CCDC90B: variants seen among roughly 807,000 people sequenced by gnomAD.
CCDC90B encodes the protein coiled-coil domain-containing protein 90B, mitochondrial.
Under a neutral mutation model 37.0 loss-of-function variants are expected in CCDC90B, and 24 were observed. That is an observed-to-expected ratio of 0.65 (90% CI 0.47 to 0.91). CCDC90B has a LOEUF of 0.91. Ranked by LOEUF, CCDC90B falls within the 40% of genes least tolerant of loss-of-function variation. The pLI, the probability that CCDC90B is intolerant of heterozygous loss-of-function variation, is 0.00. For synonymous variants in CCDC90B, 113 were observed against 101.1 expected, an observed-to-expected ratio of 1.12 and a Z score of -0.71; for missense variants, 319 against 299.0, an observed-to-expected ratio of 1.07 and a Z score of -0.49.
At chr11:83,274,614 A>C (rs779680346) in intron 4 of CCDC90B, 25 bp downstream of exon 4, 3 of 1,363,548 alleles carry the variant, frequency 2.2e-6, no homozygotes, top group Non-Finnish European at 3.1e-6. Flanking sequence ...TTATTTTATA[A>C]GTAATAAATT....
At chr11:83,263,013 T>C (rs577819099) in intron 8 of CCDC90B, among the ~76,000 whole-genome samples, 55 of 152,268 alleles carry the variant, frequency 3.6e-4, no homozygotes, top group South Asian at 1.7e-3. Flanking sequence ...ACAGATGAGG[T>C]AATACACCCA....
Position 83,265,861 on chromosome 11 carries a change from T to C in CCDC90B, c.709+4A>G, listed in dbSNP as rs755348316. On this transcript the variant is annotated splice_donor_region_variant and intron_variant, in intron 8 of 8. Transcript: ENST00000529689. ...ACAGCAATTTCTTTCTCTGACAGTCTTACCTGCAAGATAACGAATTGTCTC... is the reference window on the plus strand; with the variant it reads ...ACAGCAATTTCTTTCTCTGACAGTCCTACCTGCAAGATAACGAATTGTCTC... 1 of 1,569,340 alleles carries C rather than the reference T, an allele frequency of 6.4e-7. No homozygotes were observed. Among genetic ancestry groups the C allele is most frequent in the East Asian group, 2.2e-5 (1 of 44,592 alleles).
intron 8 of CCDC90B, among the ~76,000 whole-genome samples, chr11:83,262,834 G>A (rs909111114): frequency 3.3e-5 from 5 of 152,164 alleles, no homozygotes; most frequent in Admixed American, 1.3e-4. Context: ...AAGAAATATA[G>A]AGAAGTAATA....
intron 8 of CCDC90B, among the ~76,000 whole-genome samples, chr11:83,265,629 C>T (rs1864211326): frequency 6.6e-6 from 1 of 152,132 alleles, no homozygotes; most frequent in Non-Finnish European, 1.5e-5. Context: ...CTTCCTTTGG[C>T]TGCGTCTAAT....
intron 8 of CCDC90B, among the ~76,000 whole-genome samples, chr11:83,264,558 G>A (rs961904041): frequency 6.6e-6 from 1 of 152,150 alleles, no homozygotes; most frequent in African/African-American, 2.4e-5. Flanking sequence ...TCTGCTGAGA[G>A]ATCTGCTGTT....
chr11:83,284,158 C>A (rs1202884571), intron 1 of CCDC90B, among the ~76,000 whole-genome samples: 3 of 152,034 alleles, frequency 2.0e-5, no homozygotes, highest in African/African-American at 7.3e-5. Context: ...TCTTTGATAC[C>A]TATCTTGTGG....
Position 83,264,100 on chromosome 11 carries a change from G to C in CCDC90B, c.709+1765C>G, listed in dbSNP as rs186235138. 3.3e-5 allele frequency among the ~76,000 whole-genome samples: 5 copies of C among 152,250 alleles called. No homozygotes were observed. In the East Asian group the frequency reaches 9.7e-4, roughly 29 times the overall value. ...AGCACAGGGCCACCAAGATATGTGT[G>C]TGTGTATGTGTATTTACTCAAACGT... On this transcript the variant is annotated intron_variant, in intron 8 of 8. Coordinates refer to ENST00000529689, the MANE Select transcript of CCDC90B (RefSeq NM_021825.5).
At chr11:83,280,090 A>C (rs1490860046) in intron 2 of CCDC90B, 51 bp downstream of exon 2, 1 of 1,585,058 alleles carries the variant, frequency 6.3e-7, no homozygotes, top group Non-Finnish European at 8.6e-7. Flanking sequence ...TTAACTAGGC[A>C]TTATGAGTGC....
At chr11:83,283,522 G>A (rs192540619) in intron 1 of CCDC90B, among the ~76,000 whole-genome samples, 34 of 152,264 alleles carry the variant, frequency 2.2e-4, no homozygotes, top group African/African-American at 7.9e-4. Flanking sequence ...GGTAGGTATT[G>A]ACACCCACTG....
rs1366198383 is a variant in CCDC90B, at chr11:83,261,328, A to G, written c.*583T>C. On this transcript the variant is annotated 3_prime_UTR_variant, in exon 9 of 9. Transcript: ENST00000529689. ...GTGATCCACCCGCCTCAGCCTCCCA[A>G]AGTGCTGAGATTACAGGTGTGAGCC... 17 of 152,132 alleles carry G rather than the reference A, an allele frequency of 1.1e-4. No homozygotes were observed. Among genetic ancestry groups the G allele is most frequent in the Admixed American group, 1.1e-3 (17 of 15,268 alleles). 9.4% of individuals were successfully genotyped at this position (152,132 alleles called of 1,614,324 possible). A position where few individuals can be genotyped will look rare whatever the true frequency, so the allele number is the denominator to read the frequency against.
chr11:83,274,197 A>G (rs1591048885), intron 4 of CCDC90B: 1 of 397,914 alleles, frequency 2.5e-6, no homozygotes, highest in East Asian at 3.7e-5. Flanking sequence ...TTGTTTTTAT[A>G]TTATACTTTT....
At chr11:83,285,759 T>A in intron 1 of CCDC90B, 114 bp downstream of exon 1, 2 of 1,473,186 alleles carry the variant, frequency 1.4e-6, no homozygotes, top group South Asian at 1.4e-5. Flanking sequence ...AAGGCGTGAA[T>A]CCGGGAGGAG....
At chr11:83,275,708 A>T (rs1333739620) in intron 3 of CCDC90B, among the ~76,000 whole-genome samples, 1 of 152,180 alleles carries the variant, frequency 6.6e-6, no homozygotes, top group African/African-American at 2.4e-5. Context: ...TTAGAAATAA[A>T]ACAAGAAAGC....
Position 83,285,944 on chromosome 11 carries a change from A to C in CCDC90B, c.29T>G (p.Phe10Cys). The C allele has an allele frequency of 6.2e-7, 1 of 1,612,614 alleles. No individual in the cohort carries two copies. The highest frequency in any genetic ancestry group is 8.5e-7 in the Non-Finnish European group (1 of 1,179,516). The change falls in exon 1 of 9, where the codon TTT becomes TGT. Residue 10 changes from phenylalanine (F) to cysteine (C), a missense_variant. Phe to Cys is a radical substitution (Grantham distance 205). Transcript: ENST00000529689. MNSRQAWRL[F>C]LSQGRGDRWV... Reference sequence around the variant, plus strand: ...ACGATCTCCTCTGCCTTGGGAGAGAAAGAGCCGCCAAGCCTGGCGACTATT... The same window carrying C: ...ACGATCTCCTCTGCCTTGGGAGAGACAGAGCCGCCAAGCCTGGCGACTATT...
At chr11:83,279,650 T>C (rs1591059912) in intron 2 of CCDC90B, among the ~76,000 whole-genome samples, 1 of 152,180 alleles carries the variant, frequency 6.6e-6, no homozygotes, top group African/African-American at 2.4e-5. Flanking sequence ...GCTAGTCACT[T>C]ATTATGTCTC....
chr11:83,277,218 T>C (rs1865089914), intron 3 of CCDC90B, among the ~76,000 whole-genome samples: 1 of 152,198 alleles, frequency 6.6e-6, no homozygotes, highest in Non-Finnish European at 1.5e-5. Context: ...TCACTCCCTA[T>C]ATTATAGGTA....
At chr11:83,266,069 T>C in intron 7 of CCDC90B, 90 bp from the exon 8 acceptor site, 1 of 652,476 alleles carries the variant, frequency 1.5e-6, no homozygotes, top group Non-Finnish European at 2.7e-6. Flanking sequence ...ACTTATGGGC[T>C]AATTGTGATA....
chr11:83,262,517 T>A (rs985905757), intron 8 of CCDC90B, among the ~76,000 whole-genome samples: 2 of 152,176 alleles, frequency 1.3e-5, no homozygotes, highest in African/African-American at 4.8e-5. Flanking sequence ...TTAGCTTACA[T>A]CATTTTGGAT....
chr11:83,264,087 C>T (rs1347080447), intron 8 of CCDC90B, among the ~76,000 whole-genome samples: 4 of 152,090 alleles, frequency 2.6e-5, no homozygotes, highest in African/African-American at 9.7e-5. Context: ...CACAGGGCCA[C>T]CAAGATATGT....
Sources: allele counts gnomAD v4.1 joint callset (sites outside exome capture counted in the v4.1 genomes callset), GRCh38; gene constraint gnomAD v4.1.1; transcripts MANE v1.5; gene names NCBI Gene and HGNC (gene_info 2026-07-23, HGNC 2026-07-21).